The following RABGEF1 variants were observed in gnomAD, a reference collection of about 807,000 sequenced individuals.
RABGEF1 encodes the protein RAB guanine nucleotide exchange factor 1.
In RABGEF1, 26 loss-of-function variants were observed where a neutral mutation model predicts 57.3. That is an observed-to-expected ratio of 0.45 (90% CI 0.33 to 0.63). The LOEUF (loss-of-function observed/expected upper bound fraction) is 0.63. RABGEF1 is among the 20% of genes least tolerant of loss of function. The probability of loss-of-function intolerance (pLI) is 0.02; values close to 1 mark genes in which losing one functional copy is unlikely to be tolerated. For missense variants in RABGEF1, 464 were observed against 607.6 expected (o/e 0.76, Z 2.48); for synonymous variants, 185 against 210.7 (o/e 0.88, Z 1.06).
intron 1 of RABGEF1, among the ~76,000 whole-genome samples, chr7:66,742,156 A>C (rs1799134670): frequency 6.6e-6 from 1 of 151,998 alleles, no homozygotes; most frequent in African/African-American, 2.4e-5. Context: ...ATCTCAAAAA[A>C]AAAACTAAGA....
At chr7:66,716,312 T>A (rs995345069) in intron 2 of RABGEF1, among the ~76,000 whole-genome samples, 1 of 152,136 alleles carries the variant, frequency 6.6e-6, no homozygotes, top group Non-Finnish European at 1.5e-5. Flanking sequence ...TTAAAATATA[T>A]AGTCAGGCCA....
intron 1 of RABGEF1, among the ~76,000 whole-genome samples, chr7:66,757,793 A>G (rs1313711282): frequency 1.3e-5 from 2 of 152,106 alleles, no homozygotes; most frequent in Non-Finnish European, 2.9e-5. Flanking sequence ...TTGTATTTTT[A>G]GTAGAGACGG....
At chr7:66,757,219 A>T (rs555491892) in intron 1 of RABGEF1, among the ~76,000 whole-genome samples, 17 of 152,316 alleles carry the variant, frequency 1.1e-4, no homozygotes, top group Non-Finnish European at 2.2e-4. Flanking sequence ...ATGTTTTTCT[A>T]CAAGTGTTTA....
intron 4 of RABGEF1, among the ~76,000 whole-genome samples, chr7:66,790,031 T>C (rs997308662): frequency 1.3e-5 from 2 of 152,182 alleles, no homozygotes; most frequent in Admixed American, 6.5e-5. Context: ...AAGGAGGCTG[T>C]AGAAGAAGAT....
chr7:66,680,085 A>G (rs192351069), upstream of RABGEF1, among the ~76,000 whole-genome samples: 2 of 152,288 alleles, frequency 1.3e-5, no homozygotes, highest in East Asian at 3.9e-4. Context: ...TGGTTTAGAG[A>G]ATGGTGTGTT....
At chr7:66,742,606 C>T (rs779058883) in intron 1 of RABGEF1, among the ~76,000 whole-genome samples, 3 of 152,124 alleles carry the variant, frequency 2.0e-5, no homozygotes, top group South Asian at 2.1e-4. Flanking sequence ...AAGGAGGTGC[C>T]TATTAATTTA....
At chr7:66,677,778 A>G (rs1401749169), upstream of RABGEF1, among the ~76,000 whole-genome samples, 1 of 150,928 alleles carries the variant, frequency 6.6e-6, no homozygotes, top group Admixed American at 6.6e-5. Context: ...AAAAAAAAAA[A>G]AAGAAATCTA....
rs1173317979 is a variant in RABGEF1 at position 66,808,885 on chromosome 7, G to A, written c.1078-1G>A. The A allele has an allele frequency of 6.3e-7, 1 of 1,579,726 alleles. No homozygotes were observed. Among genetic ancestry groups the A allele is most frequent in the Non-Finnish European group, 8.7e-7 (1 of 1,152,678 alleles). On this transcript the variant is annotated splice_acceptor_variant, in intron 8 of 8. Transcript: ENST00000284957. LOFTEE classifies it high-confidence loss of function. The stretch of plus-strand genomic sequence containing the variant: ...ACTGTATTAACGTCCTCTTCTTGTA[G>A]TGCTGTGCTGTGGCTTTCATTGAGA...
chr7:66,806,914 G>GACC (rs1258838469), intron 8 of RABGEF1, among the ~76,000 whole-genome samples: 2 of 152,106 alleles, frequency 1.3e-5, no homozygotes, highest in African/African-American at 4.8e-5. Flanking sequence ...ACAGTGTTGG[G>GACC]ATTACAGGCA....
At chr7:66,673,254 T>G in the RABGEF1 span, among the ~76,000 whole-genome samples, 4 of 149,722 alleles carry the variant, frequency 2.7e-5, no homozygotes, top group East Asian at 5.9e-4. Flanking sequence ...TTCAGGGCAT[T>G]TCGTAGGGTG....
In RABGEF1 at chr7:66,799,359, C is replaced by T. The variant is rs1786767861; in HGVS notation, c.765C>T (p.Val255=). 3.7e-6 allele frequency: 6 copies of T among 1,612,402 alleles called. No individual in the cohort carries two copies. The highest frequency in any genetic ancestry group is 4.2e-6 in the Non-Finnish European group (5 of 1,178,572). ...LRWVTPQMLC[V]PVNEDIPEVS... Reference sequence around the variant, plus strand: ...GGGTTACGCCTCAGATGCTGTGTGTCCCTGTTAATGAAGACATCCCAGAAG... The same window carrying T: ...GGGTTACGCCTCAGATGCTGTGTGTTCCTGTTAATGAAGACATCCCAGAAG... The change falls in exon 7 of 9, where the codon GTC becomes GTT. Residue 255 remains valine (V), a synonymous_variant. Transcript: ENST00000284957.
chr7:66,806,978 C>T (rs139114861), intron 8 of RABGEF1, among the ~76,000 whole-genome samples: 1 of 152,130 alleles, frequency 6.6e-6, no homozygotes, highest in Non-Finnish European at 1.5e-5. Context: ...CATACACTTG[C>T]CTACGAGGGA....
At chr7:66,765,029 CAACTT>C (rs1284230900) in intron 1 of RABGEF1, among the ~76,000 whole-genome samples, 1 of 151,780 alleles carries the variant, frequency 6.6e-6, no homozygotes, top group African/African-American at 2.4e-5. Flanking sequence ...AATGATTAGT[CAACTT>C]AATTATATCT....
At chr7:66,726,347 C>T (rs554718392) in intron 2 of RABGEF1, among the ~76,000 whole-genome samples, 1 of 151,952 alleles carries the variant, frequency 6.6e-6, no homozygotes, top group African/African-American at 2.4e-5. Flanking sequence ...GGAGGCCTCC[C>T]AGAGATTAGG....
chr7:66,706,978 G>A (rs903361642), intron 1 of RABGEF1, among the ~76,000 whole-genome samples: 10 of 150,258 alleles, frequency 6.7e-5, no homozygotes, highest in African/African-American at 2.2e-4. Context: ...GTAGAGACGG[G>A]GTTTCACCAT....
chr7:66,756,100 GA>G, intron 1 of RABGEF1: 1 of 1,377,336 alleles, frequency 7.3e-7, no homozygotes, highest in Non-Finnish European at 9.7e-7. Flanking sequence ...AGATATATAA[GA>G]AGAATATCTA....
upstream of RABGEF1, among the ~76,000 whole-genome samples, chr7:66,738,022 TG>T (rs1422650078): frequency 0.038 from 5,226 of 138,792 alleles, 150 homozygotes; most frequent in East Asian, 0.1. Flanking sequence ...TTGTTTTTTT[TG>T]TTTTTTTTTT....
intron 4 of RABGEF1, among the ~76,000 whole-genome samples, chr7:66,785,135 T>G (rs1810861236): frequency 6.6e-6 from 1 of 152,238 alleles, no homozygotes; most frequent in Admixed American, 6.5e-5. Context: ...GTTCTTACTC[T>G]GTAATAATTT....
chr7:66,737,132 G>C (rs1031041020), upstream of RABGEF1, among the ~76,000 whole-genome samples: 4 of 151,316 alleles, frequency 2.6e-5, no homozygotes, highest in Non-Finnish European at 5.9e-5. Flanking sequence ...ATCTTGCTGT[G>C]TTGCCGAGAC....
Sources: allele counts gnomAD v4.1 joint callset (sites outside exome capture counted in the v4.1 genomes callset), GRCh38; gene constraint gnomAD v4.1.1; transcripts MANE v1.5; gene names NCBI Gene and HGNC (gene_info 2026-07-23, HGNC 2026-07-21).